CACHD1: variants seen among roughly 807,000 people sequenced by gnomAD.
The protein encoded by CACHD1 is VWFA and cache domain-containing protein 1.
A neutral mutation model predicts 138.7 loss-of-function variants in CACHD1; 71 were observed. The ratio of observed to expected loss-of-function variants is 0.51; its 90% CI spans 0.42 to 0.62. CACHD1 has a LOEUF of 0.62. Among genes scored for constraint, CACHD1 ranks in the 20% least tolerant of loss-of-function variants. The pLI is 0.00. For synonymous variants in CACHD1, 578 were observed against 591.5 expected (o/e 0.98, Z 0.33); for missense variants, 1,389 against 1,625.3 (o/e 0.85, Z 2.50).
chr1:64,578,805 A>G (rs1339603492), intron 2 of CACHD1, among the ~76,000 whole-genome samples: 4 of 152,180 alleles, frequency 2.6e-5, no homozygotes, highest in Non-Finnish European at 4.4e-5. Context: ...GTTCCAAGAG[A>G]CAGGCATGTC....
intron 1 of CACHD1, among the ~76,000 whole-genome samples, chr1:64,511,171 T>G (rs1646418206): frequency 6.6e-6 from 1 of 152,212 alleles, no homozygotes; most frequent in Non-Finnish European, 1.5e-5. Context: ...TGAAGGAGAC[T>G]AATCGTACTT....
intron 2 of CACHD1, among the ~76,000 whole-genome samples, chr1:64,566,845 ATAT>A (rs910758609): frequency 5.3e-5 from 8 of 152,098 alleles, no homozygotes; most frequent in African/African-American, 1.9e-4. Flanking sequence ...AAAAAAATAA[ATAT>A]TATTAGAGCT....
At chr1:64,552,307 T>C (rs1646765044) in intron 2 of CACHD1, among the ~76,000 whole-genome samples, 1 of 152,146 alleles carries the variant, frequency 6.6e-6, no homozygotes, top group African/African-American at 2.4e-5. Context: ...CACATTGATT[T>C]TTACCAAATA....
chr1:64,664,363 C>A, intron 14 of CACHD1, 135 bp from the exon 15 acceptor site: 1 of 771,394 alleles, frequency 1.3e-6, no homozygotes, highest in East Asian at 2.6e-5. Context: ...TTGCATCCAT[C>A]TGCTGTGGAA....
chr1:64,622,912 T>G (rs905750329), intron 4 of CACHD1, among the ~76,000 whole-genome samples: 1 of 152,200 alleles, frequency 6.6e-6, no homozygotes, highest in Non-Finnish European at 1.5e-5. Flanking sequence ...TTAGTAGATT[T>G]GGACATGTAT....
At chr1:64,576,695 C>G (rs563077929) in intron 2 of CACHD1, among the ~76,000 whole-genome samples, 2 of 152,206 alleles carry the variant, frequency 1.3e-5, no homozygotes, top group South Asian at 4.2e-4. Context: ...TCACAGTGTT[C>G]TCTTACTATC....
At chr1:64,535,047 T>C (rs1557480666) in intron 1 of CACHD1, among the ~76,000 whole-genome samples, 1 of 152,206 alleles carries the variant, frequency 6.6e-6, no homozygotes, top group Admixed American at 6.5e-5. Context: ...GCAGAGACAT[T>C]ACAAATCAAA....
At chr1:64,643,643 TG>T (rs1557535936) in intron 8 of CACHD1, among the ~76,000 whole-genome samples, 1 of 152,178 alleles carries the variant, frequency 6.6e-6, no homozygotes, top group African/African-American at 2.4e-5. Context: ...AAGACCATCC[TG>T]GCTAACACGG....
intron 1 of CACHD1, among the ~76,000 whole-genome samples, chr1:64,500,848 G>C (rs1646335676): frequency 6.6e-6 from 1 of 151,848 alleles, no homozygotes; most frequent in Non-Finnish European, 1.5e-5. Flanking sequence ...AGGAGTTCGA[G>C]ACCTGCTTGG....
intron 1 of CACHD1, among the ~76,000 whole-genome samples, chr1:64,515,730 T>C (rs1216319906): frequency 1.3e-5 from 2 of 152,166 alleles, no homozygotes; most frequent in Non-Finnish European, 2.9e-5. Context: ...GAAAGGCCTG[T>C]TATCTGACAC....
intron 3 of CACHD1, among the ~76,000 whole-genome samples, chr1:64,595,862 A>C (rs1557511272): frequency 6.6e-6 from 1 of 152,216 alleles, no homozygotes; most frequent in African/African-American, 2.4e-5. Flanking sequence ...AGAGGGAGAC[A>C]CTTTATTGCT....
At chr1:64,500,254 A>G (rs745352850) in intron 1 of CACHD1, among the ~76,000 whole-genome samples, 19 of 152,162 alleles carry the variant, frequency 1.2e-4, no homozygotes, top group Non-Finnish European at 2.5e-4. Context: ...AGTCTATGGG[A>G]GAGCACTTGA....
At chr1:64,617,253 G>C (rs1647747567) in intron 4 of CACHD1, among the ~76,000 whole-genome samples, 1 of 151,876 alleles carries the variant, frequency 6.6e-6, no homozygotes, top group Non-Finnish European at 1.5e-5. Context: ...TCTAAAAACT[G>C]TGATGATCAT....
At position 64,652,233 on chromosome 1, in the gene CACHD1, A is replaced by G; in HGVS notation, c.1463A>G (p.Asn488Ser). ...LLLGIVGVDVNLAYILEDVTY... is the reference protein window; with the variant it reads ...LLLGIVGVDVSLAYILEDVTY... ...CTGGGAATTGTAGGTGTGGACGTGA[A>G]TCTGGCTTACATTCTTGAAGACGTG... The change falls in exon 10 of 27, where the codon AAT (asparagine) becomes AGT (serine). Residue 488 changes from asparagine (N) to serine (S), a missense_variant. Coordinates refer to ENST00000651257, the MANE Select transcript of CACHD1 (RefSeq NM_020925.4). 1 of 1,613,864 alleles carries G rather than the reference A, an allele frequency of 6.2e-7. No individual in the cohort carries two copies. The highest frequency in any genetic ancestry group is 8.5e-7 in the Non-Finnish European group (1 of 1,179,806).
intron 4 of CACHD1, among the ~76,000 whole-genome samples, chr1:64,626,456 A>C (rs1648104296): frequency 6.6e-6 from 1 of 152,266 alleles, no homozygotes; most frequent in Non-Finnish European, 1.5e-5. Context: ...AAAACGGGAA[A>C]GGAGTTGAAT....
intron 1 of CACHD1, among the ~76,000 whole-genome samples, chr1:64,491,470 A>G (rs1390539569): frequency 2.6e-5 from 4 of 152,140 alleles, no homozygotes; most frequent in Non-Finnish European, 5.9e-5. Context: ...CAGGAGAGAG[A>G]AAGAAGAGCA....
chr1:64,678,007 T>G, intron 22 of CACHD1, 152 bp from the exon 23 acceptor site: 2 of 718,346 alleles, frequency 2.8e-6, no homozygotes, highest in Admixed American at 7.7e-5. Context: ...TCTATTGCTA[T>G]TCTCATTTTA....
intron 7 of CACHD1, among the ~76,000 whole-genome samples, chr1:64,639,378 A>G (rs1211356810): frequency 6.6e-6 from 1 of 152,244 alleles, no homozygotes; most frequent in Non-Finnish European, 1.5e-5. Context: ...AAATATTGAC[A>G]TCTGGTTTGT....
intron 3 of CACHD1, among the ~76,000 whole-genome samples, chr1:64,601,973 C>T (rs1435723110): frequency 6.6e-6 from 1 of 152,172 alleles, no homozygotes; most frequent in Non-Finnish European, 1.5e-5. Context: ...CTTAAAAATA[C>T]TCTTTATGAC....
Sources: gnomAD v4.1 joint callset for allele counts (sites outside exome capture counted in the v4.1 genomes callset) on GRCh38, gnomAD v4.1.1 for gene constraint, MANE v1.5 for transcripts, NCBI Gene and HGNC (gene_info 2026-07-23, HGNC 2026-07-21) for gene names.